Variants in LIPK observed in about 807,000 individuals in gnomAD.
The protein encoded by LIPK is lipase member K.
In LIPK, 32 loss-of-function variants were observed where a neutral mutation model predicts 48.6. The observed-to-expected ratio is 0.66, with a 90% CI of 0.50 to 0.88. The LOEUF is 0.88. Among genes scored for constraint, LIPK ranks in the 40% least tolerant of loss-of-function variants. LIPK has a pLI of 0.00. For missense variants in LIPK, 507 were observed against 478.5 expected, an observed-to-expected ratio of 1.06 and a Z score of -0.56; for synonymous variants, 164 against 157.4, an observed-to-expected ratio of 1.04 and a Z score of -0.32.
intron 3 of LIPK, chr10:88,728,562 G>A: frequency 4.5e-6 from 2 of 439,654 alleles, no homozygotes; most frequent in South Asian, 1.8e-5. Flanking sequence ...GACCAAACAG[G>A]AGAGGGCGCC....
In LIPK at chr10:88,714,120, C is replaced by T. The variant is rs940649248; in HGVS notation, c.-12+7800C>T. On this transcript the variant is annotated intron_variant, in intron 1 of 9. Coordinates refer to ENST00000404190, the MANE Select transcript of LIPK (RefSeq NM_001080518.2). ...AAGACATGCTTTCTCTTGTTTCATTCTTAAGGTGAAAGTATTCAATATGTT... is the reference window on the plus strand; with the variant it reads ...AAGACATGCTTTCTCTTGTTTCATTTTTAAGGTGAAAGTATTCAATATGTT... Among the ~76,000 whole-genome samples, 6 of 151,934 alleles carry T rather than the reference C, an allele frequency of 3.9e-5. No homozygotes were observed. The South Asian group carries it at 1.2e-3, about 32-fold the overall frequency.
At chr10:88,724,482 A>C in intron 1 of LIPK, 51 bp from the exon 2 acceptor site, 1 of 1,104,720 alleles carries the variant, frequency 9.1e-7, no homozygotes. Flanking sequence ...ACCAAATTTC[A>C]CTTCGTAGAA....
At chr10:88,711,160 A>T (rs949930948) in intron 1 of LIPK, among the ~76,000 whole-genome samples, 1 of 151,592 alleles carries the variant, frequency 6.6e-6, no homozygotes, top group Non-Finnish European at 1.5e-5. Flanking sequence ...TTTTGTTGTT[A>T]TTTATTTCTG....
chr10:88,747,352 T>C (rs189693482), intron 9 of LIPK, among the ~76,000 whole-genome samples: 1 of 152,112 alleles, frequency 6.6e-6, no homozygotes, highest in East Asian at 1.9e-4. Flanking sequence ...GATAAACATA[T>C]ATGCAAAAAT....
At chr10:88,712,778 G>C (rs892916689) in intron 1 of LIPK, among the ~76,000 whole-genome samples, 1 of 152,174 alleles carries the variant, frequency 6.6e-6, no homozygotes, top group African/African-American at 2.4e-5. Flanking sequence ...GAAAATGCTA[G>C]TGTGATTCTT....
chr10:88,732,287 G>T lies in LIPK; in HGVS notation c.532G>T (p.Ala178Ser). ...YVGHSQGTTI[A>S]FIAFSTNPEL... ...GGGCCACTCACAAGGCACCACCATA[G>T]GTGTGTTTGGGGCAGATGTGATCAG... Residue 178 changes from alanine to serine, a missense_variant and splice_region_variant, in exon 5 of 10, where the codon GCT becomes TCT. Physicochemically the swap from Ala to Ser is moderately conservative, Grantham distance 99. Transcript: ENST00000404190. 6.2e-7 allele frequency: 1 copy of T among 1,612,436 alleles called. No homozygotes were observed. Among genetic ancestry groups the T allele is most frequent in the Non-Finnish European group, 8.5e-7 (1 of 1,178,974 alleles).
At chr10:88,732,033 T>C (rs1842477063) in intron 4 of LIPK, 145 bp from the exon 5 acceptor site, 3 of 517,612 alleles carry the variant, frequency 5.8e-6, no homozygotes, top group Admixed American at 3.6e-5. Flanking sequence ...CCCTTAAAAG[T>C]TGCATAGTTG....
chr10:88,738,268 T>G (rs952064012), intron 7 of LIPK, among the ~76,000 whole-genome samples: 1 of 152,056 alleles, frequency 6.6e-6, no homozygotes, highest in African/African-American at 2.4e-5. Flanking sequence ...CCGAGAGGGA[T>G]CAGTGTCAGG....
intron 1 of LIPK, among the ~76,000 whole-genome samples, chr10:88,708,474 T>A (rs371037525): frequency 6.6e-6 from 1 of 152,068 alleles, no homozygotes; most frequent in African/African-American, 2.4e-5. Flanking sequence ...TAAAAATATA[T>A]AACAGTTGCT....
At chr10:88,736,490 G>C (rs931439273) in intron 6 of LIPK, among the ~76,000 whole-genome samples, 4 of 152,134 alleles carry the variant, frequency 2.6e-5, no homozygotes, top group Non-Finnish European at 5.9e-5. Flanking sequence ...TTAAAATTAT[G>C]TTGACATTTA....
chr10:88,735,717 G>T (rs114023579), intron 6 of LIPK, among the ~76,000 whole-genome samples: 2,442 of 152,334 alleles, frequency 0.016, 68 homozygotes, highest in African/African-American at 0.056. Context: ...ACTAGAAGGA[G>T]CCTGGCTCCC....
intron 1 of LIPK, among the ~76,000 whole-genome samples, chr10:88,713,061 A>T (rs1379002918): frequency 7.9e-5 from 12 of 152,208 alleles, no homozygotes; most frequent in Admixed American, 7.9e-4. Flanking sequence ...CTCCATCATC[A>T]CACAGGAGAC....
At chr10:88,727,890 C>T in intron 3 of LIPK, 1 of 374,344 alleles carries the variant, frequency 2.7e-6, no homozygotes, top group South Asian at 2.4e-5. Context: ...ATGCTGGAGA[C>T]CATGTGGAGC....
chr10:88,710,662 T>G (rs553815613), intron 1 of LIPK, among the ~76,000 whole-genome samples: 25 of 152,322 alleles, frequency 1.6e-4, no homozygotes, highest in African/African-American at 4.8e-4. Context: ...GGCTGTTGAA[T>G]GTGTCGATGA....
intron 9 of LIPK, among the ~76,000 whole-genome samples, 164 bp from the exon 10 acceptor site, chr10:88,752,353 T>C (rs888833949): frequency 6.6e-6 from 1 of 152,222 alleles, no homozygotes; most frequent in African/African-American, 2.4e-5. Context: ...TGCACGAGAA[T>C]GGTTTCAAGT....
chr10:88,720,025 A>T (rs1023639479), intron 1 of LIPK, among the ~76,000 whole-genome samples: 3 of 152,194 alleles, frequency 2.0e-5, no homozygotes, highest in Non-Finnish European at 4.4e-5. Context: ...TGAAAGTCTC[A>T]TATTTCCTAC....
intron 1 of LIPK, among the ~76,000 whole-genome samples, chr10:88,708,019 G>A (rs1331443489): frequency 6.6e-6 from 1 of 152,040 alleles, no homozygotes; most frequent in Non-Finnish European, 1.5e-5. Flanking sequence ...AGATAAAAAG[G>A]AAAAATGTGG....
rs756717019 is a variant in LIPK at position 88,752,754 on chromosome 10, T to C, written c.1198T>C (p.Ter400GlnextTer?). The C allele has an allele frequency of 2.4e-5, 37 of 1,538,406 alleles. No individual in the cohort carries two copies. In the Middle Eastern group the frequency reaches 5.5e-4, roughly 23 times the overall value. Residue 400 changes from the stop codon to glutamine (Q), a stop_lost, in exon 10 of 10, where the codon TAA becomes CAA. Transcript: ENST00000404190. ...ATTGATGGAAGAATATTTACAAAAT[T>C]AAATGCACTTTACTTTCTCTAAGCA... ...IILMEEYLQN[*>Q]
chr10:88,724,676 TA>T (rs1842299791), intron 2 of LIPK, 28 bp downstream of exon 2: 2 of 1,442,756 alleles, frequency 1.4e-6, no homozygotes, highest in East Asian at 2.4e-5. Flanking sequence ...AAAAAAATGC[TA>T]AAATAAGGAA....
Sources: allele counts gnomAD v4.1 joint callset (sites outside exome capture counted in the v4.1 genomes callset), GRCh38; gene constraint gnomAD v4.1.1; transcripts MANE v1.5; gene names NCBI Gene and HGNC (gene_info 2026-07-23, HGNC 2026-07-21).